Variants in STPG1 observed in about 807,000 individuals in gnomAD.
The protein encoded by STPG1 is O(6)-methylguanine-induced apoptosis 2.
STPG1 carries 33 observed loss-of-function variants against 40.1 expected under a neutral mutation model. The ratio of observed to expected loss-of-function variants is 0.82; its 90% confidence interval spans 0.62 to 1.10. The LOEUF is 1.10. Ranked by LOEUF, STPG1 falls within the 50% of genes least tolerant of loss-of-function variation. The pLI is 0.00. For synonymous variants in STPG1, 150 were observed against 155.0 expected, an observed-to-expected ratio of 0.97 and a Z score of 0.24; for missense variants, 396 against 415.1, an observed-to-expected ratio of 0.95 and a Z score of 0.40.
chr1:24,366,873 C>T (rs1029574404), intron 7 of STPG1, among the ~76,000 whole-genome samples: 2 of 152,180 alleles, frequency 1.3e-5, no homozygotes, highest in African/African-American at 4.8e-5. Flanking sequence ...TAGGAGACAG[C>T]GGGTTAATAG....
At chr1:24,381,517 T>C (rs2148696930) in intron 4 of STPG1, among the ~76,000 whole-genome samples, 1 of 152,314 alleles carries the variant, frequency 6.6e-6, no homozygotes, top group East Asian at 1.9e-4. Context: ...AGAGAGGCCA[T>C]CAAACTCTCC....
intron 3 of STPG1, among the ~76,000 whole-genome samples, chr1:24,386,663 G>A (rs1642519066): frequency 2.0e-5 from 3 of 152,196 alleles, no homozygotes; most frequent in Non-Finnish European, 1.5e-5. Context: ...AGAGGTGGGC[G>A]GATGCCACCC....
chr1:24,375,453 GC>G (rs1641978103), intron 5 of STPG1, among the ~76,000 whole-genome samples: 1 of 152,178 alleles, frequency 6.6e-6, no homozygotes, highest in Non-Finnish European at 1.5e-5. Context: ...GAGGAATTTA[GC>G]TTTTCCCAGG....
intron 7 of STPG1, among the ~76,000 whole-genome samples, chr1:24,367,676 G>A (rs189853983): frequency 1.3e-5 from 2 of 152,108 alleles, no homozygotes; most frequent in African/African-American, 2.4e-5. Context: ...CCTCCACCAC[G>A]CCCAGCTTTG....
intron 4 of STPG1, 117 bp downstream of exon 4, chr1:24,383,785 C>CT (rs776298766): frequency 3.7e-5 from 26 of 705,814 alleles, no homozygotes; most frequent in Non-Finnish European, 5.8e-5. Context: ...AGTTACTCTC[C>CT]TAATTAGAAC....
At position 24,384,024 on chromosome 1, in the gene STPG1, G is replaced by C. The variant is rs1048753746; in HGVS notation, c.190-21C>G. ...TCATTCTGAAAGGGAAGAGAAGGTG[G>C]TGTCATCGAGATACTTCAATTCCAT... On this transcript the variant is annotated intron_variant, in intron 3 of 8. Coordinates refer to ENST00000337248, the MANE Select transcript of STPG1 (RefSeq NM_001199013.2). 12 of 1,448,580 alleles carry C rather than the reference G, an allele frequency of 8.3e-6. No individual in the cohort carries two copies. In the African/African-American group the frequency reaches 8.4e-5, roughly 10 times the overall value. 89.7% of individuals were successfully genotyped at this position (1,448,580 alleles called of 1,614,324 possible). A position where few individuals can be genotyped will look rare whatever the true frequency, so the allele number is the denominator to read the frequency against.
At chr1:24,388,503 G>T (rs961500769) in intron 3 of STPG1, among the ~76,000 whole-genome samples, 5 of 152,216 alleles carry the variant, frequency 3.3e-5, no homozygotes, top group African/African-American at 1.2e-4. Context: ...ATTCTCATGG[G>T]GAATGTGAGC....
chr1:24,390,096 C>G (rs1642696391), intron 3 of STPG1, among the ~76,000 whole-genome samples: 1 of 152,110 alleles, frequency 6.6e-6, no homozygotes, highest in African/African-American at 2.4e-5. Flanking sequence ...GCCATCTGGG[C>G]AAGGTAATAA....
At chr1:24,390,742 TTTTTTTGTTTTTTG>T (rs1642732240) in intron 3 of STPG1, among the ~76,000 whole-genome samples, 1 of 151,338 alleles carries the variant, frequency 6.6e-6, no homozygotes, top group Admixed American at 6.6e-5. Flanking sequence ...TTAAGGAAGT[TTTTTTTGTTTTTTG>T]TTTTTTTGTT....
rs200647962 is a variant in STPG1 at position 24,383,997 on chromosome 1, T to C, written c.196A>G (p.Ile66Val). 939 of 1,608,454 alleles carry C rather than the reference T, an allele frequency of 5.8e-4. 15 individuals are homozygous for C. The South Asian group carries it at 7.2e-3, about 12-fold the overall frequency. ...ACATTGTAGAACCCAGGTCCTGGGA[T>C]ATCATTCTGAAAGGGAAGAGAAGGT... is the stretch of plus-strand genomic sequence containing the variant. ...AKRFPHKKNDIPGPGFYNVIH... is the reference protein window; with the variant it reads ...AKRFPHKKNDVPGPGFYNVIH... Residue 66 changes from isoleucine (I) to valine (V), a missense_variant, in exon 4 of 9, where the codon ATC becomes GTC. Coordinates refer to ENST00000337248, the MANE Select transcript of STPG1 (RefSeq NM_001199013.2).
intron 7 of STPG1, among the ~76,000 whole-genome samples, chr1:24,367,599 A>T (rs10903081): frequency 0.37 from 55,646 of 151,684 alleles, 10,300 homozygotes; most frequent in East Asian, 0.43. Flanking sequence ...GCTCACTGCA[A>T]CCTCCACCTC....
chr1:24,360,570 G>A (rs946533607), intron 8 of STPG1, among the ~76,000 whole-genome samples: 12 of 152,204 alleles, frequency 7.9e-5, no homozygotes, highest in Admixed American at 5.9e-4. Context: ...TCAGCCAACT[G>A]CAGAGTCACA....
intron 2 of STPG1, chr1:24,400,996 C>G: frequency 4.2e-6 from 1 of 240,064 alleles, no homozygotes. Flanking sequence ...AAGTTGAGTT[C>G]TAGGAAATAA....
intron 2 of STPG1, among the ~76,000 whole-genome samples, chr1:24,400,872 AT>A (rs1228636362): frequency 6.6e-6 from 1 of 152,178 alleles, no homozygotes; most frequent in African/African-American, 2.4e-5. Flanking sequence ...CACACTAACT[AT>A]TGGGAAAGTT....
At position 24,364,296 on chromosome 1, in the gene STPG1, G is replaced by A. The variant is rs1641311517; in HGVS notation, c.738-3255C>T. The A allele has an allele frequency of 1.4e-5, 22 of 1,549,850 alleles. No individual in the cohort carries two copies. Among genetic ancestry groups the A allele is most frequent in the Non-Finnish European group, 1.9e-5 (22 of 1,146,790 alleles). ...ACATGGGTTTTGGAGATGGATTTTG[G>A]AGGCAGAGGGACCTGGATTCAAATC... is the stretch of plus-strand genomic sequence containing the variant. On this transcript the variant is annotated intron_variant, in intron 7 of 8. Coordinates refer to ENST00000337248, the MANE Select transcript of STPG1 (RefSeq NM_001199013.2).
chr1:24,364,484 G>A (rs1641326888), intron 7 of STPG1: 3 of 1,387,252 alleles, frequency 2.2e-6, no homozygotes, highest in Admixed American at 6.8e-5. Context: ...CATTTAAAAT[G>A]TTGCATTTTC....
intron 7 of STPG1, among the ~76,000 whole-genome samples, chr1:24,361,651 A>G (rs1234468165): frequency 6.6e-6 from 1 of 152,132 alleles, no homozygotes; most frequent in Non-Finnish European, 1.5e-5. Flanking sequence ...GTGGAAAAGC[A>G]CCGGGCTGGA....
intron 1 of STPG1, among the ~76,000 whole-genome samples, chr1:24,412,660 C>T (rs908069243): frequency 2.0e-5 from 3 of 152,124 alleles, no homozygotes; most frequent in African/African-American, 7.2e-5. Context: ...AAGTTCAAGA[C>T]TACCCTGGGC....
chr1:24,390,756 G>GT (rs968326158), intron 3 of STPG1, among the ~76,000 whole-genome samples: 5 of 150,422 alleles, frequency 3.3e-5, no homozygotes, highest in African/African-American at 9.8e-5. Flanking sequence ...TTTGTTTTTT[G>GT]TTTTTTTGTT....
Sources: allele counts gnomAD v4.1 joint callset (sites outside exome capture counted in the v4.1 genomes callset), GRCh38; gene constraint gnomAD v4.1.1; transcripts MANE v1.5; gene names NCBI Gene and HGNC (gene_info 2026-07-23, HGNC 2026-07-21).